Variants in LSAMP observed in about 807,000 individuals in gnomAD.
LSAMP encodes the protein limbic system associated membrane protein.
LSAMP carries 7 observed loss-of-function variants against 38.6 expected under a neutral mutation model. That is an observed-to-expected ratio of 0.18 (90% confidence interval 0.10 to 0.34). LSAMP has a LOEUF of 0.34. LSAMP is among the 10% of genes least tolerant of loss of function. The pLI, the probability that LSAMP is intolerant of heterozygous loss-of-function variation, is 1.00. For synonymous variants in LSAMP, 154 were observed against 166.8 expected, an observed-to-expected ratio of 0.92 and a Z score of 0.59; for missense variants, 313 against 420.0, an observed-to-expected ratio of 0.75 and a Z score of 2.23.
intron 1 of LSAMP, among the ~76,000 whole-genome samples, chr3:116,204,161 G>A (rs2046030928): frequency 6.6e-6 from 1 of 151,954 alleles, no homozygotes; most frequent in Non-Finnish European, 1.5e-5. Context: ...GTGATGATGA[G>A]CATTTTTTCA....
At chr3:116,330,977 C>T (rs1278201353) in intron 1 of LSAMP, among the ~76,000 whole-genome samples, 1 of 151,834 alleles carries the variant, frequency 6.6e-6, no homozygotes, top group Non-Finnish European at 1.5e-5. Flanking sequence ...ACTTTAAAAC[C>T]ATGGTCTTAA....
At chr3:116,228,697 A>G (rs2046368787) in intron 1 of LSAMP, among the ~76,000 whole-genome samples, 1 of 152,112 alleles carries the variant, frequency 6.6e-6, no homozygotes, top group African/African-American at 2.4e-5. Context: ...ATTTAGCAAA[A>G]TAAGAGAGGC....
intron 1 of LSAMP, among the ~76,000 whole-genome samples, chr3:116,428,649 A>T (rs760620436): frequency 6.6e-6 from 1 of 152,150 alleles, no homozygotes; most frequent in Non-Finnish European, 1.5e-5. Flanking sequence ...CTTTGTACTA[A>T]TCCTGGAGCT....
intron 1 of LSAMP, among the ~76,000 whole-genome samples, chr3:116,192,428 C>T (rs576250674): frequency 1.3e-5 from 2 of 152,208 alleles, no homozygotes; most frequent in Non-Finnish European, 2.9e-5. Context: ...CCAATATTGG[C>T]ATTCCATTAC....
At chr3:115,908,355 T>TA (rs1207721159) in intron 3 of LSAMP, among the ~76,000 whole-genome samples, 1 of 152,184 alleles carries the variant, frequency 6.6e-6, no homozygotes, top group Non-Finnish European at 1.5e-5. Context: ...AACTGTAGAC[T>TA]TAGTACATCT....
In LSAMP at chr3:116,221,729, A is replaced by C. The variant is rs146369600; in HGVS notation, c.156-135173T>G. 2.3e-3 allele frequency among the ~76,000 whole-genome samples: 343 copies of C among 152,212 alleles called. 2 individuals are homozygous for C. Among genetic ancestry groups the C allele is most frequent in the African/African-American group, 7.8e-3 (326 of 41,540 alleles). On this transcript the variant is annotated intron_variant, in intron 1 of 6. Transcript: ENST00000490035. The stretch of plus-strand genomic sequence containing the variant: ...GCACCAGTGAAGATCCTGGTGTCTC[A>C]CTACTTCCATCCTCACTCTCGCCCT...
chr3:116,177,029 T>A (rs1329442904), intron 1 of LSAMP, among the ~76,000 whole-genome samples: 1 of 152,122 alleles, frequency 6.6e-6, no homozygotes, highest in African/African-American at 2.4e-5. Flanking sequence ...AGTTACATAA[T>A]TAGATAAAAG....
intron 3 of LSAMP, among the ~76,000 whole-genome samples, chr3:115,873,855 G>T (rs1936111983): frequency 6.6e-6 from 1 of 152,082 alleles, no homozygotes; most frequent in African/African-American, 2.4e-5. Context: ...TAGCCTGCTG[G>T]AGAGCCTCTA....
In LSAMP at chr3:115,806,077, TG is replaced by T. The variant is rs2107437594; in HGVS notation, c.*4239del. On this transcript the variant is annotated 3_prime_UTR_variant, in exon 7 of 7. Coordinates refer to ENST00000490035, the MANE Select transcript of LSAMP (RefSeq NM_002338.5). The stretch of plus-strand genomic sequence containing the variant: ...ACCAAGACTAAATGCAGGCTAAAAG[TG>T]TATGAGGATGAAAAGAAAAATGAGG... 6.6e-6 allele frequency: 1 copy of T among 152,286 alleles called. No individual in the cohort carries two copies. The highest frequency in any genetic ancestry group is 2.1e-4 in the South Asian group (1 of 4,830). The allele number at this position is 152,286 out of a possible 1,614,324, so 9.4% of individuals were successfully genotyped here.
chr3:115,833,170 A>G (rs541367339), intron 6 of LSAMP, among the ~76,000 whole-genome samples: 16 of 152,274 alleles, frequency 1.1e-4, no homozygotes, highest in African/African-American at 3.6e-4. Context: ...GCAACATGAT[A>G]AAGTGATGTC....
At chr3:116,023,976 C>A (rs1940712397) in intron 2 of LSAMP, among the ~76,000 whole-genome samples, 1 of 152,288 alleles carries the variant, frequency 6.6e-6, no homozygotes, top group Non-Finnish European at 1.5e-5. Context: ...CCTCTTTCCC[C>A]TTTCAAATTT....
intron 3 of LSAMP, among the ~76,000 whole-genome samples, chr3:115,882,334 G>C (rs899944073): frequency 6.6e-6 from 1 of 151,948 alleles, no homozygotes; most frequent in Non-Finnish European, 1.5e-5. Context: ...TTTGCTCAAG[G>C]ATCTTTTTAA....
chr3:115,821,705 A>G (rs1219671195), intron 6 of LSAMP, among the ~76,000 whole-genome samples: 1 of 152,216 alleles, frequency 6.6e-6, no homozygotes, highest in Non-Finnish European at 1.5e-5. Context: ...GGGACAGGAA[A>G]AGGTCCAAAT....
chr3:116,019,214 G>C (rs1940569582), intron 3 of LSAMP, among the ~76,000 whole-genome samples: 1 of 150,366 alleles, frequency 6.7e-6, no homozygotes, highest in Non-Finnish European at 1.5e-5. Flanking sequence ...TAGATCTCTT[G>C]ATAGATAGAT....
intron 2 of LSAMP, among the ~76,000 whole-genome samples, chr3:116,021,124 G>T (rs1940627196): frequency 1.3e-5 from 2 of 152,062 alleles, no homozygotes. Flanking sequence ...GTAGGGGACT[G>T]GTCATTACCA....
intron 3 of LSAMP, among the ~76,000 whole-genome samples, chr3:115,939,557 T>TTTCC (rs1937830171): frequency 1.0e-5 from 1 of 98,026 alleles, no homozygotes; most frequent in Non-Finnish European, 2.3e-5. Flanking sequence ...TCTTTCTTTC[T>TTTCC]TTCTTTCTTT....
At chr3:116,105,871 G>T (rs1308996952) in intron 1 of LSAMP, among the ~76,000 whole-genome samples, 1 of 151,926 alleles carries the variant, frequency 6.6e-6, no homozygotes, top group East Asian at 1.9e-4. Flanking sequence ...TTGGGGGGTG[G>T]TATGGAGAGA....
chr3:116,387,006 T>G (rs2048634575), intron 1 of LSAMP, among the ~76,000 whole-genome samples: 1 of 152,172 alleles, frequency 6.6e-6, no homozygotes, highest in Non-Finnish European at 1.5e-5. Flanking sequence ...ACGTTTATCT[T>G]ATATAGAGAG....
At chr3:116,347,783 T>A (rs1328413807) in intron 1 of LSAMP, among the ~76,000 whole-genome samples, 1 of 152,102 alleles carries the variant, frequency 6.6e-6, no homozygotes, top group Admixed American at 6.6e-5. Flanking sequence ...TTATTTATAT[T>A]CTTATCAATC....
Sources: gnomAD v4.1 joint callset for allele counts (sites outside exome capture counted in the v4.1 genomes callset) on GRCh38, gnomAD v4.1.1 for gene constraint, MANE v1.5 for transcripts, NCBI Gene and HGNC (gene_info 2026-07-23, HGNC 2026-07-21) for gene names.